Variants in ADGRB1 observed in about 807,000 individuals in gnomAD.
ADGRB1 encodes adhesion G protein-coupled receptor B1, also known as brain-specific angiogenesis inhibitor 1.
In ADGRB1, 36 loss-of-function variants were observed where a neutral mutation model predicts 175.7. The ratio of observed to expected loss-of-function variants is 0.20; its 90% CI spans 0.16 to 0.27. The LOEUF (loss-of-function observed/expected upper bound fraction) is 0.27. Among genes scored for constraint, ADGRB1 ranks in the 10% least tolerant of loss-of-function variants. The pLI, the probability that ADGRB1 is intolerant of heterozygous loss-of-function variation, is 1.00. For synonymous variants in ADGRB1, 1,054 were observed against 979.4 expected (o/e 1.08, Z -1.42); for missense variants, 1,731 against 2,255.3 (o/e 0.77, Z 4.71).
intron 2 of ADGRB1, among the ~76,000 whole-genome samples, chr8:142,468,955 C>T (rs1210216880): frequency 1.3e-5 from 2 of 152,234 alleles, no homozygotes; most frequent in African/African-American, 4.8e-5. Context: ...TAGAACAGTA[C>T]CTGGGAGCAG....
At chr8:142,494,789 C>A (rs553327463) in intron 17 of ADGRB1, among the ~76,000 whole-genome samples, 2 of 152,010 alleles carry the variant, frequency 1.3e-5, no homozygotes, top group African/African-American at 2.4e-5. Context: ...GGCTCAGGTG[C>A]TCCTGCTCCC....
chr8:142,534,992 A>T (rs563798665), intron 25 of ADGRB1, among the ~76,000 whole-genome samples: 25 of 152,046 alleles, frequency 1.6e-4, no homozygotes, highest in Non-Finnish European at 2.6e-4. Flanking sequence ...TTGAGGCCAC[A>T]CTCCTGGCCC....
intron 27 of ADGRB1, chr8:142,539,716 TGC>T: frequency 3.0e-5 from 16 of 529,438 alleles, no homozygotes; most frequent in South Asian, 4.6e-5. Context: ...CTGCGTCCCC[TGC>T]CCACCTGACA....
In ADGRB1 at chr8:142,544,572, G is replaced by A; in HGVS notation, c.*155G>A. Reference sequence around the variant, plus strand: ...ACGGCGGCCAGGCACAGGGCCCGCAGTGCTGGGACCAGAGCCAGATGCAGG... The same window carrying A: ...ACGGCGGCCAGGCACAGGGCCCGCAATGCTGGGACCAGAGCCAGATGCAGG... On this transcript the variant is annotated 3_prime_UTR_variant, in exon 31 of 31. Transcript: ENST00000517894. The A allele has an allele frequency of 7.8e-6, 7 of 902,264 alleles. No individual in the cohort carries two copies. Among genetic ancestry groups the A allele is most frequent in the Non-Finnish European group, 1.1e-5 (7 of 652,726 alleles). 55.9% of individuals were successfully genotyped at this position (902,264 alleles called of 1,614,324 possible). A position where few individuals can be genotyped will look rare whatever the true frequency, so the allele number is the denominator to read the frequency against.
chr8:142,471,869 C>T (rs1009290529), intron 2 of ADGRB1, among the ~76,000 whole-genome samples: 13 of 152,338 alleles, frequency 8.5e-5, no homozygotes, highest in African/African-American at 2.9e-4. Context: ...CTCCGGGGCC[C>T]TCCCTTCCAC....
chr8:142,544,362 G>C lies in ADGRB1; in HGVS notation c.4700G>C (p.Gly1567Ala), dbSNP rs1845467368. The change falls in exon 31 of 31, where the codon GGC becomes GCC. Residue 1567 changes from glycine to alanine, a missense_variant. This residue lies in a region of ADGRB1 where 394 missense variants were observed against 410.2 expected (regional missense o/e 0.96). Coordinates refer to ENST00000517894, the MANE Select transcript of ADGRB1 (RefSeq NM_001702.3). ...ELRSVEWERS[G>A]ATIPLVGQDI... The stretch of plus-strand genomic sequence containing the variant: ...CGCAGCGTGGAGTGGGAGAGGTCGG[G>C]CGCCACGATCCCGCTGGTGGGCCAG... 6.5e-7 allele frequency: 1 copy of C among 1,538,452 alleles called. No individual in the cohort carries two copies. Among genetic ancestry groups the C allele is most frequent in the Non-Finnish European group, 8.8e-7 (1 of 1,140,706 alleles).
At chr8:142,489,665 T>TC (rs1293181252) in intron 16 of ADGRB1, among the ~76,000 whole-genome samples, 69 of 152,234 alleles carry the variant, frequency 4.5e-4, no homozygotes, top group Non-Finnish European at 1.8e-4. Context: ...TGTGCCTGAC[T>TC]CCCCACCTGG....
At chr8:142,520,948 A>C in intron 20 of ADGRB1, 23 bp downstream of exon 20, 7 of 1,592,384 alleles carry the variant, frequency 4.4e-6, no homozygotes, top group Non-Finnish European at 6.0e-6. Context: ...GCGTCCTGCC[A>C]TGCACTTCCC....
intron 1 of ADGRB1, among the ~76,000 whole-genome samples, chr8:142,457,149 G>A (rs531730118): frequency 3.3e-5 from 5 of 152,298 alleles, no homozygotes; most frequent in Non-Finnish European, 5.9e-5. Context: ...GGCCTCTGAC[G>A]CTGGGCCAAG....
chr8:142,528,679 ACC>A (rs772268973), intron 24 of ADGRB1, among the ~76,000 whole-genome samples: 7 of 151,718 alleles, frequency 4.6e-5, no homozygotes, highest in Non-Finnish European at 7.4e-5. Context: ...TCCTAGGCCC[ACC>A]CTTGGGGCTC....
Position 142,533,361 on chromosome 8 carries a change from C to T in ADGRB1, c.3465C>T (p.Leu1155=), listed in dbSNP as rs539334336. Residue 1155 remains leucine (L), a synonymous_variant, in exon 25 of 31, where the codon CTC becomes CTT. Coordinates refer to ENST00000517894, the MANE Select transcript of ADGRB1 (RefSeq NM_001702.3). ...CGCTGACCTGGATGTCGGCTGTGCT[C>T]GCCGTCACCGACCGCCGCTCCGCCC... The part of the protein sequence containing the change: ...LLALTWMSAV[L]AVTDRRSALF... 7 of 1,601,466 alleles carry T rather than the reference C, an allele frequency of 4.4e-6. No homozygotes were observed. Among genetic ancestry groups the T allele is most frequent in the South Asian group, 3.4e-5 (3 of 89,210 alleles).
intron 24 of ADGRB1, among the ~76,000 whole-genome samples, chr8:142,529,364 G>A (rs1844450293): frequency 6.6e-6 from 1 of 152,122 alleles, no homozygotes. Context: ...GTGCCCATGT[G>A]AGAGTACTTG....
chr8:142,524,459 C>A, intron 23 of ADGRB1, among the ~76,000 whole-genome samples, 155 bp downstream of exon 23: 1 of 152,304 alleles, frequency 6.6e-6, no homozygotes, highest in South Asian at 2.1e-4. Flanking sequence ...GGGGTGCCCA[C>A]AGCCCCACTC....
Position 142,514,174 on chromosome 8 carries a change from G to T in ADGRB1, c.2817+3101G>T, listed in dbSNP as rs547583443. ...AGTGGGCAGAGGCTGTGGCTTCGGG[G>T]GTTCAGAGTGGCCTACAGGGGCTGC... On this transcript the variant is annotated intron_variant, in intron 18 of 30. Coordinates refer to ENST00000517894, the MANE Select transcript of ADGRB1 (RefSeq NM_001702.3). Among the ~76,000 whole-genome samples the T allele has an allele frequency of 6.6e-4, 101 of 152,218 alleles. 1 individual carries two copies. Among genetic ancestry groups the T allele is most frequent in the African/African-American group, 2.4e-3 (100 of 41,536 alleles).
In ADGRB1 at chr8:142,464,806, C is replaced by G; in HGVS notation, c.608C>G (p.Ser203Trp). The G allele has an allele frequency of 6.5e-7, 1 of 1,534,848 alleles. No homozygotes were observed. The highest frequency in any genetic ancestry group is 8.7e-7 in the Non-Finnish European group (1 of 1,145,600). Reference protein sequence around the residue: ...LDACLAGSRSSHPCGIMQTPC... With the variant: ...LDACLAGSRSWHPCGIMQTPC... ...GCGTGTCTGGCCGGTAGTCGCAGCTCGCACCCCTGCGGGATCATGCAGACC... is the reference window on the plus strand; with the variant it reads ...GCGTGTCTGGCCGGTAGTCGCAGCTGGCACCCCTGCGGGATCATGCAGACC... The change falls in exon 2 of 31, where the codon TCG becomes TGG. Residue 203 changes from serine (S) to tryptophan (W), a missense_variant. Around this residue, in one of 8 missense-constraint regions of ADGRB1, gnomAD observed 383 missense variants for 383.1 expected, o/e 1.00. Transcript: ENST00000517894.
At position 142,510,661 on chromosome 8, in the gene ADGRB1, G is replaced by A. The variant is rs908784315; in HGVS notation, c.2676-271G>A. Among the ~76,000 whole-genome samples the A allele has an allele frequency of 1.4e-5, 2 of 144,578 alleles. No homozygotes were observed. Among genetic ancestry groups the A allele is most frequent in the Non-Finnish European group, 3.1e-5 (2 of 65,328 alleles). 94.8% of individuals were successfully genotyped at this position (144,578 alleles called of 152,430 possible). A position where few individuals can be genotyped will look rare whatever the true frequency, so the allele number is the denominator to read the frequency against. ...AGCTCTCGCCCCCCGCCCCGCCCCC[G>A]ATCGCTCGGCTCCCCCGCCCGGCGC... is the stretch of plus-strand genomic sequence containing the variant. On this transcript the variant is annotated intron_variant, in intron 17 of 30. Coordinates refer to ENST00000517894, the MANE Select transcript of ADGRB1 (RefSeq NM_001702.3). This position sits in a 1 kb window ranked among gnomAD's most constrained non-coding sequence, Gnocchi z 6.3.
intron 13 of ADGRB1, among the ~76,000 whole-genome samples, chr8:142,487,555 G>C (rs1022415896): frequency 6.6e-6 from 1 of 152,172 alleles, no homozygotes; most frequent in Non-Finnish European, 1.5e-5. Flanking sequence ...CGCATCTTGG[G>C]CTGCATTCTT....
chr8:142,478,215 G>A lies in ADGRB1; in HGVS notation c.1416G>A (p.Glu472=), dbSNP rs1841101939. 6.2e-7 allele frequency: 1 copy of A among 1,607,624 alleles called. No individual in the cohort carries two copies. The highest frequency in any genetic ancestry group is 1.3e-5 in the African/African-American group (1 of 74,912). The change falls in exon 7 of 31, where the codon GAG becomes GAA. Residue 472 remains glutamate (E), a synonymous_variant. Coordinates refer to ENST00000517894, the MANE Select transcript of ADGRB1 (RefSeq NM_001702.3). ...PGRAVDGNWN[E]WSSWSACSAS... is the part of the protein sequence containing the mutation. ...GGGCAGTGGATGGAAACTGGAATGA[G>A]TGGTCGAGCTGGAGCGCCTGCTCCG...
chr8:142,480,989 C>T lies in ADGRB1; in HGVS notation c.1829-265C>T, dbSNP rs548326646. Among the ~76,000 whole-genome samples the T allele has an allele frequency of 5.9e-5, 9 of 152,218 alleles. No individual in the cohort carries two copies. In the East Asian group the frequency reaches 1.2e-3, roughly 20 times the overall value. ...CTGAACTCTGAAGGCCCTGCTCGGC[C>T]GAGATCTCCACCTCCATGCAGTGGG... On this transcript the variant is annotated intron_variant, in intron 9 of 30. Coordinates refer to ENST00000517894, the MANE Select transcript of ADGRB1 (RefSeq NM_001702.3).
Sources: allele counts gnomAD v4.1 joint callset (sites outside exome capture counted in the v4.1 genomes callset), GRCh38; gene constraint gnomAD v4.1.1; regional missense constraint gnomAD v4.1.1; non-coding constraint Gnocchi (gnomAD v3.1); transcripts MANE v1.5; gene names NCBI Gene and HGNC (gene_info 2026-07-23, HGNC 2026-07-21).